Variants in NCAM2 observed in about 807,000 individuals in gnomAD.
NCAM2 encodes N-CAM-2.
NCAM2 carries 30 observed loss-of-function variants against 98.1 expected under a neutral mutation model. The ratio of observed to expected loss-of-function variants is 0.31; its 90% CI spans 0.23 to 0.41. The LOEUF is 0.41. Ranked by LOEUF, NCAM2 falls within the 10% of genes least tolerant of loss-of-function variation. NCAM2 has a pLI of 1.00. For missense variants in NCAM2, 867 were observed against 1,005.8 expected (o/e 0.86, Z 1.87); for synonymous variants, 368 against 342.4 (o/e 1.07, Z -0.83).
intron 1 of NCAM2, among the ~76,000 whole-genome samples, chr21:21,009,373 T>C (rs914225327): frequency 6.6e-6 from 1 of 152,076 alleles, no homozygotes; most frequent in Non-Finnish European, 1.5e-5. Context: ...ATAGTTATTA[T>C]CTAATTCAGG....
chr21:21,023,247 G>T (rs538014457), intron 1 of NCAM2, among the ~76,000 whole-genome samples: 3 of 152,170 alleles, frequency 2.0e-5, no homozygotes, highest in Non-Finnish European at 4.4e-5. Context: ...ATTAAGGCTG[G>T]GTGCGGTGGC....
At chr21:21,265,456 ATAAT>A (rs2072220155) in intron 1 of NCAM2, among the ~76,000 whole-genome samples, 2 of 141,784 alleles carry the variant, frequency 1.4e-5, no homozygotes, top group Non-Finnish European at 1.5e-5. Context: ...ACACACATAT[ATAAT>A]ATATGTGTGT....
At chr21:21,155,898 C>A (rs1022639217) in intron 1 of NCAM2, among the ~76,000 whole-genome samples, 4 of 151,866 alleles carry the variant, frequency 2.6e-5, no homozygotes, top group African/African-American at 7.3e-5. Context: ...TTGGGAAAAA[C>A]CCCTTAAAAT....
chr21:21,306,953 C>A (rs190621819), intron 5 of NCAM2, among the ~76,000 whole-genome samples: 7 of 151,972 alleles, frequency 4.6e-5, no homozygotes, highest in South Asian at 2.1e-4. Flanking sequence ...AATGTTTGCT[C>A]TTCTGTGCCT....
chr21:21,341,704 T>TA (rs1481023422), intron 8 of NCAM2, among the ~76,000 whole-genome samples: 1 of 106,456 alleles, frequency 9.4e-6, no homozygotes, highest in African/African-American at 3.3e-5. Context: ...CAATTAACAA[T>TA]ATTCTTTTTT....
intron 1 of NCAM2, among the ~76,000 whole-genome samples, chr21:21,121,588 A>G (rs190834727): frequency 5.1e-4 from 78 of 152,338 alleles, no homozygotes; most frequent in African/African-American, 1.7e-3. Flanking sequence ...GTGGCTAGAC[A>G]TGATCAAGGA....
At chr21:21,278,101 A>T (rs2072795333) in intron 1 of NCAM2, among the ~76,000 whole-genome samples, 1 of 152,146 alleles carries the variant, frequency 6.6e-6, no homozygotes, top group Non-Finnish European at 1.5e-5. Context: ...ATAAGATTAT[A>T]TCTTAAAGAA....
chr21:21,496,694 A>G (rs780413827), intron 15 of NCAM2, among the ~76,000 whole-genome samples: 7 of 152,074 alleles, frequency 4.6e-5, no homozygotes, highest in African/African-American at 1.2e-4. Flanking sequence ...GCCAAGGCCA[A>G]TGTCAAGAAG....
At chr21:21,031,607 C>A (rs1257728067) in intron 1 of NCAM2, among the ~76,000 whole-genome samples, 1 of 152,222 alleles carries the variant, frequency 6.6e-6, no homozygotes, top group Non-Finnish European at 1.5e-5. Context: ...AGGAAATTTA[C>A]ATCTTATAAA....
At chr21:21,442,306 A>G (rs959575323) in intron 12 of NCAM2, among the ~76,000 whole-genome samples, 6 of 152,176 alleles carry the variant, frequency 3.9e-5, no homozygotes, top group African/African-American at 1.4e-4. Context: ...GTCAAATTCT[A>G]GACATATTTT....
chr21:21,200,027 C>T (rs770485809), intron 1 of NCAM2, among the ~76,000 whole-genome samples: 1 of 152,144 alleles, frequency 6.6e-6, no homozygotes, highest in African/African-American at 2.4e-5. Context: ...AGACTGCCCC[C>T]GAATTGTCAG....
At chr21:21,349,621 T>G (rs2075281397) in intron 8 of NCAM2, among the ~76,000 whole-genome samples, 1 of 152,166 alleles carries the variant, frequency 6.6e-6, no homozygotes, top group African/African-American at 2.4e-5. Context: ...CAAAGAGATC[T>G]CTGCACTCCT....
At chr21:21,519,803 T>C (rs915432854) in intron 16 of NCAM2, among the ~76,000 whole-genome samples, 1 of 152,160 alleles carries the variant, frequency 6.6e-6, no homozygotes, top group African/African-American at 2.4e-5. Context: ...CTGATTTGAC[T>C]GTTCGGATTT....
chr21:21,145,909 T>C (rs1222300708), intron 1 of NCAM2, among the ~76,000 whole-genome samples: 1 of 152,100 alleles, frequency 6.6e-6, no homozygotes, highest in Non-Finnish European at 1.5e-5. Context: ...ATATTGACGA[T>C]TGTGATTTAA....
At chr21:21,204,981 A>C (rs1462383687) in intron 1 of NCAM2, among the ~76,000 whole-genome samples, 1 of 152,078 alleles carries the variant, frequency 6.6e-6, no homozygotes, top group Non-Finnish European at 1.5e-5. Flanking sequence ...CATATCATTC[A>C]CTTTAATAAT....
chr21:21,073,711 G>A (rs2065620874), intron 1 of NCAM2, among the ~76,000 whole-genome samples: 1 of 152,160 alleles, frequency 6.6e-6, no homozygotes, highest in African/African-American at 2.4e-5. Context: ...GAGGTATGAA[G>A]CCCACTCCAT....
At chr21:21,355,031 T>C (rs1156557615) in intron 8 of NCAM2, among the ~76,000 whole-genome samples, 3 of 152,216 alleles carry the variant, frequency 2.0e-5, no homozygotes, top group Non-Finnish European at 4.4e-5. Flanking sequence ...AGAAAATGTG[T>C]CTTTCTGTGT....
At chr21:21,061,633 T>C (rs754589900) in intron 1 of NCAM2, among the ~76,000 whole-genome samples, 1 of 152,148 alleles carries the variant, frequency 6.6e-6, no homozygotes, top group Non-Finnish European at 1.5e-5. Flanking sequence ...TCTTTTCTTA[T>C]GAAGTAAGTA....
chr21:21,208,831 T>G (rs1234065893), intron 1 of NCAM2, among the ~76,000 whole-genome samples: 1 of 152,158 alleles, frequency 6.6e-6, no homozygotes, highest in Non-Finnish European at 1.5e-5. Context: ...GCTCAGTAAG[T>G]TTTTAGATTC....
Sources: allele counts gnomAD v4.1 joint callset (sites outside exome capture counted in the v4.1 genomes callset), GRCh38; gene constraint gnomAD v4.1.1; transcripts MANE v1.5; gene names NCBI Gene and HGNC (gene_info 2026-07-23, HGNC 2026-07-21).